GRHL2: variants seen among roughly 807,000 people sequenced by gnomAD.
GRHL2 encodes grainyhead like transcription factor 2.
A neutral mutation model predicts 83.8 loss-of-function variants in GRHL2; 21 were observed. The observed-to-expected ratio is 0.25, with a 90% CI of 0.18 to 0.36. GRHL2 has a LOEUF of 0.36. Ranked by LOEUF, GRHL2 falls within the 10% of genes least tolerant of loss-of-function variation. GRHL2 has a pLI of 1.00. For synonymous variants in GRHL2, 280 were observed against 278.9 expected (o/e 1.00, Z -0.04); for missense variants, 623 against 781.8 (o/e 0.80, Z 2.42).
chr8:101,544,661 C>T (rs964724637), intron 2 of GRHL2, among the ~76,000 whole-genome samples: 1 of 152,262 alleles, frequency 6.6e-6, no homozygotes, highest in Admixed American at 6.5e-5. Context: ...GCTGGTTGGG[C>T]ACAATGAACT....
At chr8:101,612,639 C>A (rs1273106936) in intron 8 of GRHL2, among the ~76,000 whole-genome samples, 5 of 150,996 alleles carry the variant, frequency 3.3e-5, no homozygotes, top group African/African-American at 1.2e-4. Flanking sequence ...CCAGTCAGAG[C>A]AGTTAACTCC....
At chr8:101,626,467 C>T (rs1813082047) in intron 9 of GRHL2, among the ~76,000 whole-genome samples, 2 of 152,034 alleles carry the variant, frequency 1.3e-5, no homozygotes, top group Non-Finnish European at 2.9e-5. Context: ...AATTCTTTCA[C>T]AATCTTTCGT....
intron 3 of GRHL2, among the ~76,000 whole-genome samples, chr8:101,553,159 T>C (rs575154140): frequency 6.6e-6 from 1 of 152,228 alleles, no homozygotes; most frequent in Admixed American, 6.5e-5. Context: ...CTTTTGATGA[T>C]CAGGGAAGGG....
At chr8:101,577,178 ACT>A (rs993341830) in intron 6 of GRHL2, among the ~76,000 whole-genome samples, 3 of 150,384 alleles carry the variant, frequency 2.0e-5, no homozygotes, top group African/African-American at 7.4e-5. Flanking sequence ...CTGATGTAGG[ACT>A]CTTTTTTTTT....
At chr8:101,548,574 AG>A (rs1312898394) in intron 2 of GRHL2, among the ~76,000 whole-genome samples, 1 of 152,224 alleles carries the variant, frequency 6.6e-6, no homozygotes, top group Non-Finnish European at 1.5e-5. Context: ...GGATTAATCA[AG>A]GCAGAGAGTA....
chr8:101,568,487 T>A (rs1281637649), intron 4 of GRHL2, among the ~76,000 whole-genome samples: 1 of 152,242 alleles, frequency 6.6e-6, no homozygotes, highest in Admixed American at 6.5e-5. Context: ...CTGATCTTCC[T>A]TTCCTGGTAA....
intron 7 of GRHL2, among the ~76,000 whole-genome samples, chr8:101,597,394 G>A (rs1282156245): frequency 3.3e-5 from 5 of 152,014 alleles, no homozygotes; most frequent in Non-Finnish European, 5.9e-5. Context: ...TGTTTATTGC[G>A]GCACTATTCA....
intron 3 of GRHL2, among the ~76,000 whole-genome samples, chr8:101,554,585 A>G (rs570684339): frequency 2.0e-4 from 31 of 152,292 alleles, no homozygotes; most frequent in African/African-American, 7.5e-4. Flanking sequence ...TATGACTTAG[A>G]GTTTTCATTG....
At chr8:101,515,645 G>A (rs1319641290) in intron 1 of GRHL2, among the ~76,000 whole-genome samples, 2 of 152,124 alleles carry the variant, frequency 1.3e-5, no homozygotes, top group East Asian at 1.9e-4. Flanking sequence ...GGTTGGATGG[G>A]GGGTGATTTC....
intron 2 of GRHL2, 124 bp from the exon 3 acceptor site, chr8:101,552,591 A>T: frequency 1.2e-6 from 1 of 852,186 alleles, no homozygotes; most frequent in South Asian, 1.4e-5. Context: ...TGGTGATAGC[A>T]ACTTTTCCAC....
At position 101,571,381 on chromosome 8, in the gene GRHL2, C is replaced by T. The variant is rs543551744; in HGVS notation, c.734+987C>T. 6.6e-5 allele frequency among the ~76,000 whole-genome samples: 10 copies of T among 151,538 alleles called. No individual in the cohort carries two copies. In the East Asian group the frequency reaches 1.2e-3, roughly 18 times the overall value. ...AAGACAGGAGAGAATGGCAGCTGGG[C>T]GTGGTGGCTCATGCCTGTAATCCAG... On this transcript the variant is annotated intron_variant, in intron 5 of 15. Coordinates refer to ENST00000646743, the MANE Select transcript of GRHL2 (RefSeq NM_024915.4).
chr8:101,676,475 G>A, the GRHL2 span, among the ~76,000 whole-genome samples: 1 of 152,272 alleles, frequency 6.6e-6, no homozygotes, highest in East Asian at 1.9e-4. Flanking sequence ...CAACATCACT[G>A]GCCATCAGAG....
chr8:101,602,084 T>C (rs1812528079), intron 8 of GRHL2, among the ~76,000 whole-genome samples: 1 of 152,238 alleles, frequency 6.6e-6, no homozygotes. Flanking sequence ...GTGTTTGGTT[T>C]CCTGTTCCTG....
intron 1 of GRHL2, among the ~76,000 whole-genome samples, chr8:101,542,263 C>A (rs940723795): frequency 3.3e-5 from 5 of 152,124 alleles, no homozygotes; most frequent in Non-Finnish European, 5.9e-5. Context: ...CTTAGGGTTC[C>A]ATTCTTGCAT....
chr8:101,550,762 C>T (rs1357181426), intron 2 of GRHL2, among the ~76,000 whole-genome samples: 6 of 152,170 alleles, frequency 3.9e-5, no homozygotes, highest in Admixed American at 3.3e-4. Flanking sequence ...ACAATAATTC[C>T]TTTCTTATCC....
At chr8:101,511,372 T>A (rs1028551378) in intron 1 of GRHL2, among the ~76,000 whole-genome samples, 8 of 152,216 alleles carry the variant, frequency 5.3e-5, no homozygotes, top group African/African-American at 1.9e-4. Context: ...TGGTCAAATA[T>A]GCTTATTGCT....
chr8:101,578,251 T>C (rs58019911), intron 7 of GRHL2, among the ~76,000 whole-genome samples: 4,132 of 151,864 alleles, frequency 0.027, 210 homozygotes, highest in African/African-American at 0.095. Flanking sequence ...GAGGAGGAGG[T>C]GGGTGTTGGA....
At chr8:101,677,584 T>C in the GRHL2 span, among the ~76,000 whole-genome samples, 3 of 152,220 alleles carry the variant, frequency 2.0e-5, no homozygotes, top group East Asian at 5.8e-4. Flanking sequence ...ATGAGGATTA[T>C]GTATTGGTAG....
Position 101,578,284 on chromosome 8 carries a change from G to A in GRHL2, c.1003+765G>A, listed in dbSNP as rs1811974133. On this transcript the variant is annotated intron_variant, in intron 7 of 15. Transcript: ENST00000646743. Reference sequence around the variant, plus strand: ...GGAGGAGCCACCCAGCAGGAGCTGGGACCACAGAGAGAGCTGTTTTCCAAT... The same window carrying A: ...GGAGGAGCCACCCAGCAGGAGCTGGAACCACAGAGAGAGCTGTTTTCCAAT... Among the ~76,000 whole-genome samples the A allele has an allele frequency of 2.0e-5, 3 of 152,186 alleles. No homozygotes were observed. In the South Asian group the frequency reaches 6.2e-4, roughly 32 times the overall value.
Sources: allele counts gnomAD v4.1 joint callset (sites outside exome capture counted in the v4.1 genomes callset), GRCh38; gene constraint gnomAD v4.1.1; transcripts MANE v1.5; gene names NCBI Gene and HGNC (gene_info 2026-07-23, HGNC 2026-07-21).